Variants in CPSF2 observed in about 807,000 individuals in gnomAD.
The protein encoded by CPSF2 is cleavage and polyadenylation specific factor 2.
A neutral mutation model predicts 84.2 loss-of-function variants in CPSF2; 51 were observed. That is an observed-to-expected ratio of 0.61 (90% CI 0.48 to 0.77). The LOEUF (loss-of-function observed/expected upper bound fraction) is 0.77, where lower values mean the gene tolerates loss of function less well. CPSF2 is among the 30% of genes least tolerant of loss of function. The pLI is 0.00. For synonymous variants in CPSF2, 286 were observed against 311.9 expected (o/e 0.92, Z 0.87); for missense variants, 641 against 929.4 (o/e 0.69, Z 4.03).
chr14:92,126,540 C>A (rs922492530), intron 2 of CPSF2, among the ~76,000 whole-genome samples: 2 of 152,180 alleles, frequency 1.3e-5, no homozygotes, highest in Non-Finnish European at 2.9e-5. Context: ...GCCAGGCGTG[C>A]TGTCTCACAC....
intron 10 of CPSF2, among the ~76,000 whole-genome samples, chr14:92,154,878 T>C (rs898383196): frequency 3.9e-4 from 60 of 152,242 alleles, no homozygotes; most frequent in African/African-American, 1.4e-3. Context: ...CTGAATACTG[T>C]AGGCCATTGT....
chr14:92,155,356 A>G, intron 11 of CPSF2, 33 bp downstream of exon 11: 1 of 1,508,196 alleles, frequency 6.6e-7, no homozygotes, highest in Non-Finnish European at 9.2e-7. Flanking sequence ...TCTCTCTTAC[A>G]AATTGGAGGT....
intron 1 of CPSF2, among the ~76,000 whole-genome samples, chr14:92,124,513 G>A (rs74074420): frequency 0.012 from 1,844 of 152,254 alleles, 42 homozygotes; most frequent in African/African-American, 0.042. Flanking sequence ...TAAATGGTTG[G>A]CAATACTATT....
At chr14:92,130,000 G>A (rs1319231733) in intron 2 of CPSF2, among the ~76,000 whole-genome samples, 1 of 151,956 alleles carries the variant, frequency 6.6e-6, no homozygotes, top group Non-Finnish European at 1.5e-5. Flanking sequence ...TTCCTGCCTC[G>A]GCTTCCCAAA....
At position 92,138,310 on chromosome 14, in the gene CPSF2, A is replaced by G. The variant is rs2069026846; in HGVS notation, c.624A>G (p.Val208=). The G allele has an allele frequency of 6.2e-7, 1 of 1,603,482 alleles. No homozygotes were observed. Among genetic ancestry groups the G allele is most frequent in the Non-Finnish European group, 8.5e-7 (1 of 1,175,404 alleles). The change falls in exon 7 of 16, where the codon GTA becomes GTG. Residue 208 remains valine, a synonymous_variant. Transcript: ENST00000298875. ...LITDSFNATY[V]QPRRKQRDEQ... ...CAGATTCATTCAATGCTACATATGT[A>G]CAGCCTAGAAGAAAACAGAGAGATG...
rs747171953 is a variant in CPSF2, at chr14:92,142,195, A to G, written c.693A>G (p.Gly231=). The change falls in exon 8 of 16, where the codon GGA becomes GGG. Residue 231 remains glycine, a synonymous_variant. Transcript: ENST00000298875. ...TNVLETLRGD[G]NVLIAVDTAG... is the part of the protein sequence containing the mutation. ...TCCTGGAAACACTTCGAGGTGATGG[A>G]AATGTGTTAATAGCAGTGGACACAG... 4.3e-6 allele frequency: 7 copies of G among 1,611,974 alleles called. No homozygotes were observed. The highest frequency in any genetic ancestry group is 2.2e-5 in the East Asian group (1 of 44,856).
At position 92,161,851 on chromosome 14, in the gene CPSF2, C is replaced by A; in HGVS notation, c.*107C>A. On this transcript the variant is annotated 3_prime_UTR_variant, in exon 16 of 16. Coordinates refer to ENST00000298875, the MANE Select transcript of CPSF2 (RefSeq NM_017437.3). ...TTTTGTAACATACAAAAAGAATCTG[C>A]CAGAAAAACTTACATGTATCAGATT... 1.5e-6 allele frequency: 1 copy of A among 645,506 alleles called. No homozygotes were observed. The highest frequency in any genetic ancestry group is 2.6e-6 in the Non-Finnish European group (1 of 389,390). 40.0% of individuals were successfully genotyped at this position (645,506 alleles called of 1,614,324 possible).
chr14:92,130,858 A>C (rs2068915235), intron 2 of CPSF2, 93 bp from the exon 3 acceptor site: 1 of 747,574 alleles, frequency 1.3e-6, no homozygotes, highest in Non-Finnish European at 2.1e-6. Context: ...ATTTCTATGC[A>C]CTTAAAGATT....
Position 92,163,671 on chromosome 14 carries a change from C to T in CPSF2, c.*1927C>T, listed in dbSNP as rs2069405727. On this transcript the variant is annotated 3_prime_UTR_variant, in exon 16 of 16. Coordinates refer to ENST00000298875, the MANE Select transcript of CPSF2 (RefSeq NM_017437.3). ...TAATTTAATCATGGTGGTGGTTACC[C>T]TCATGCTGTTCTTGTGATGGTGAGT... 6.6e-6 allele frequency: 1 copy of T among 152,406 alleles called. No individual in the cohort carries two copies. The highest frequency in any genetic ancestry group is 1.5e-5 in the Non-Finnish European group (1 of 68,020). The allele number at this position is 152,406 out of a possible 1,614,324, so 9.4% of individuals were successfully genotyped here.
intron 9 of CPSF2, among the ~76,000 whole-genome samples, chr14:92,145,199 C>T (rs767058235): frequency 6.6e-6 from 1 of 152,184 alleles, no homozygotes; most frequent in Non-Finnish European, 1.5e-5. Context: ...AAAGCAGTAT[C>T]ATAAAGCTGC....
At position 92,171,435 on chromosome 14, in the gene CPSF2, G is replaced by A. The variant is rs567730042; in HGVS notation, c.*9691G>A. 5.9e-5 allele frequency: 9 copies of A among 152,296 alleles called. No individual in the cohort carries two copies. The East Asian group carries it at 7.7e-4, about 13-fold the overall frequency. The allele number at this position is 152,296 out of a possible 1,614,324, so 9.4% of individuals were successfully genotyped here. On this transcript the variant is annotated 3_prime_UTR_variant, in exon 16 of 16. Coordinates refer to ENST00000298875, the MANE Select transcript of CPSF2 (RefSeq NM_017437.3). Reference sequence around the variant, plus strand: ...CCATTGTCCAAGATTTGACTAGCGAGAGCACTTTCCAGCTAGCTCCTGTGT... The same window carrying A: ...CCATTGTCCAAGATTTGACTAGCGAAAGCACTTTCCAGCTAGCTCCTGTGT...
chr14:92,145,776 A>G (rs2069135483), intron 9 of CPSF2, among the ~76,000 whole-genome samples: 1 of 152,250 alleles, frequency 6.6e-6, no homozygotes, highest in South Asian at 2.1e-4. Flanking sequence ...ATAGACAATG[A>G]TGTTTAGAAG....
intron 9 of CPSF2, among the ~76,000 whole-genome samples, chr14:92,151,611 C>T (rs903285317): frequency 6.6e-6 from 1 of 152,026 alleles, no homozygotes; most frequent in African/African-American, 2.4e-5. Context: ...ACTATACATG[C>T]GTATAAGCCT....
rs545421179 is a variant in CPSF2, at chr14:92,135,268, A to G, written c.416-99A>G. On this transcript the variant is annotated intron_variant, in intron 5 of 15. Coordinates refer to ENST00000298875, the MANE Select transcript of CPSF2 (RefSeq NM_017437.3). ...TTACTTTTGAAATTTGTATTATTGC[A>G]TATACAGTATTACCTATTAAAATAT... 4.9e-5 allele frequency: 52 copies of G among 1,052,072 alleles called. 1 individual carries two copies. In the South Asian group the frequency reaches 8.3e-4, roughly 17 times the overall value. 65.2% of individuals were successfully genotyped at this position (1,052,072 alleles called of 1,614,324 possible).
In CPSF2 at chr14:92,134,364, A is replaced by G; in HGVS notation, c.415+9A>G. 1 of 1,555,314 alleles carries G rather than the reference A, an allele frequency of 6.4e-7. No individual in the cohort carries two copies. The highest frequency in any genetic ancestry group is 1.7e-5 in the Admixed American group (1 of 59,260). ...GATTGTGAATTTGAAAGGTAAAAAG[A>G]ATTTCCAGTAGTAAGTATTTAGATG... On this transcript the variant is annotated intron_variant, in intron 5 of 15. Coordinates refer to ENST00000298875, the MANE Select transcript of CPSF2 (RefSeq NM_017437.3).
Position 92,143,027 on chromosome 14 carries a change from G to A in CPSF2, c.873G>A (p.Leu291=), listed in dbSNP as rs1206924105. The A allele has an allele frequency of 6.2e-7, 1 of 1,612,956 alleles. No homozygotes were observed. The highest frequency in any genetic ancestry group is 1.1e-5 in the South Asian group (1 of 90,994). The part of the protein sequence containing the change: ...KSQVEWMSDK[L]MRCFEDKRNN... ...AGGTAGAATGGATGAGTGATAAATT[G>A]ATGAGATGTTTTGAAGACAAAAGAA... The change falls in exon 9 of 16, where the codon TTG becomes TTA. Residue 291 remains leucine (L), a synonymous_variant. Transcript: ENST00000298875.
At position 92,149,469 on chromosome 14, in the gene CPSF2, G is replaced by C. The variant is rs1465944848; in HGVS notation, c.1141-4889G>C. 2.0e-5 allele frequency among the ~76,000 whole-genome samples: 3 copies of C among 151,956 alleles called. No individual in the cohort carries two copies. In the East Asian group the frequency reaches 5.8e-4, roughly 29 times the overall value. ...AAATTTGAAAGAGAATGTCTTTGAG[G>C]GGCCAGACATACTGGCTCATGCTTG... On this transcript the variant is annotated intron_variant, in intron 9 of 15. Transcript: ENST00000298875.
At chr14:92,128,030 G>A (rs1232255248) in intron 2 of CPSF2, among the ~76,000 whole-genome samples, 1 of 152,208 alleles carries the variant, frequency 6.6e-6, no homozygotes. Context: ...AGATTGAAGG[G>A]TAATACTTAC....
At chr14:92,124,634 C>G (rs566108673) in intron 1 of CPSF2, among the ~76,000 whole-genome samples, 1 of 152,142 alleles carries the variant, frequency 6.6e-6, no homozygotes, top group African/African-American at 2.4e-5. Context: ...GGTCTGGAGT[C>G]TAGATCTGCA....
Sources: gnomAD v4.1 joint callset for allele counts (sites outside exome capture counted in the v4.1 genomes callset) on GRCh38, gnomAD v4.1.1 for gene constraint, MANE v1.5 for transcripts, NCBI Gene and HGNC (gene_info 2026-07-23, HGNC 2026-07-21) for gene names.